HSD17B3: variants seen among roughly 807,000 people sequenced by gnomAD.
HSD17B3 encodes the protein 17-beta-hydroxysteroid dehydrogenase type 3.
Under a neutral mutation model 41.1 loss-of-function variants are expected in HSD17B3, and 29 were observed. The observed-to-expected ratio is 0.71, with a 90% CI of 0.53 to 0.96. HSD17B3 has a LOEUF of 0.96. HSD17B3 is among the 40% of genes least tolerant of loss of function. The probability of loss-of-function intolerance (pLI) is 0.00; values close to 1 mark genes in which losing one functional copy is unlikely to be tolerated. For synonymous variants in HSD17B3, 126 were observed against 145.6 expected (o/e 0.87, Z 0.97); for missense variants, 323 against 374.6 (o/e 0.86, Z 1.14).
At chr9:96,281,492 C>G (rs1306938550) in intron 2 of HSD17B3, among the ~76,000 whole-genome samples, 2 of 152,078 alleles carry the variant, frequency 1.3e-5, no homozygotes, top group Non-Finnish European at 2.9e-5. Context: ...GGGTTAGAGT[C>G]CTAACTTAGG....
intron 6 of HSD17B3, 82 bp from the exon 7 acceptor site, chr9:96,246,672 G>C: frequency 8.2e-7 from 1 of 1,226,578 alleles, no homozygotes. Flanking sequence ...GGAAGGGAGC[G>C]CGGGAGGAAG....
At chr9:96,282,992 C>CTTTTTTTT (rs58397134) in intron 2 of HSD17B3, among the ~76,000 whole-genome samples, 5 of 71,692 alleles carry the variant, frequency 7.0e-5, no homozygotes, top group Non-Finnish European at 1.1e-4. Flanking sequence ...AGGTTTCTTT[C>CTTTTTTTT]TTTTTTTTTT....
chr9:96,258,004 A>C (rs1825732510), intron 2 of HSD17B3, among the ~76,000 whole-genome samples: 1 of 152,154 alleles, frequency 6.6e-6, no homozygotes, highest in Non-Finnish European at 1.5e-5. Flanking sequence ...AGTGGGGCTG[A>C]GCATCATTTG....
At chr9:96,252,666 T>C (rs1216965821) in intron 4 of HSD17B3, 137 bp downstream of exon 4, 1 of 697,786 alleles carries the variant, frequency 1.4e-6, no homozygotes, top group African/African-American at 1.8e-5. Context: ...TGCTTTGATA[T>C]TCAACTTAAT....
At position 96,298,460 on chromosome 9, in the gene HSD17B3, T is replaced by C. The variant is rs550421995; in HGVS notation, c.157A>G (p.Ile53Val). ...FLRSMGQWAV[I>V]TGAGDGIGKA... Reference sequence around the variant, plus strand: ...CCAATTCCATCGCCTGCTCCAGTGATCACTGTGAAAAGCAAGAATGCTTTT... The same window carrying C: ...CCAATTCCATCGCCTGCTCCAGTGACCACTGTGAAAAGCAAGAATGCTTTT... The change falls in exon 2 of 11, where the codon ATC becomes GTC. Residue 53 changes from isoleucine to valine, a missense_variant and splice_region_variant. Ile to Val is a conservative substitution (Grantham distance 29). Coordinates refer to ENST00000375263, the MANE Select transcript of HSD17B3 (RefSeq NM_000197.2). 11 of 1,613,450 alleles carry C rather than the reference T, an allele frequency of 6.8e-6. No homozygotes were observed. The South Asian group carries it at 1.2e-4, about 18-fold the overall frequency.
At chr9:96,251,652 A>C (rs1181868156) in intron 4 of HSD17B3, among the ~76,000 whole-genome samples, 167 bp from the exon 5 acceptor site, 1 of 152,224 alleles carries the variant, frequency 6.6e-6, no homozygotes, top group Non-Finnish European at 1.5e-5. Flanking sequence ...AGACACCTTC[A>C]ATGAATCATG....
intron 2 of HSD17B3, among the ~76,000 whole-genome samples, chr9:96,292,994 A>G (rs1381276477): frequency 2.0e-5 from 3 of 152,234 alleles, no homozygotes; most frequent in African/African-American, 4.8e-5. Context: ...AAGAAAAACT[A>G]AGATAATTTG....
intron 2 of HSD17B3, among the ~76,000 whole-genome samples, chr9:96,289,151 T>C (rs1314978943): frequency 1.3e-5 from 2 of 151,174 alleles, no homozygotes; most frequent in Non-Finnish European, 2.9e-5. Flanking sequence ...AGGCAGTCAC[T>C]AGATGCTGCA....
intron 7 of HSD17B3, 152 bp from the exon 8 acceptor site, chr9:96,245,578 T>C: frequency 1.4e-6 from 1 of 695,518 alleles, no homozygotes; most frequent in Non-Finnish European, 2.6e-6. Flanking sequence ...GAATGGTAAG[T>C]GAACTTCCCC....
chr9:96,260,983 G>A (rs1825835205), intron 2 of HSD17B3, among the ~76,000 whole-genome samples: 1 of 152,070 alleles, frequency 6.6e-6, no homozygotes, highest in African/African-American at 2.4e-5. Context: ...TGTTCACTGT[G>A]CGCTCTTATT....
intron 2 of HSD17B3, among the ~76,000 whole-genome samples, chr9:96,272,083 T>C (rs1826263619): frequency 6.6e-6 from 1 of 151,780 alleles, no homozygotes; most frequent in Admixed American, 6.6e-5. Flanking sequence ...AAAATACATA[T>C]ATAGGTCAGG....
At position 96,283,522 on chromosome 9, in the gene HSD17B3, T is replaced by C. The variant is rs146408827; in HGVS notation, c.201+14894A>G. On this transcript the variant is annotated intron_variant, in intron 2 of 10. Coordinates refer to ENST00000375263, the MANE Select transcript of HSD17B3 (RefSeq NM_000197.2). ...GGTATAAAAATCATACAGGGAGCAC[T>C]GTCAAATATAAAATAGTGTGTGGCT... is the stretch of plus-strand genomic sequence containing the variant. Among the ~76,000 whole-genome samples the C allele has an allele frequency of 9.0e-3, 1,377 of 152,304 alleles. 27 individuals carry two copies. Among genetic ancestry groups the C allele is most frequent in the South Asian group, 0.066 (320 of 4,816 alleles).
At chr9:96,276,998 G>A (rs1458661834) in intron 2 of HSD17B3, among the ~76,000 whole-genome samples, 2 of 152,086 alleles carry the variant, frequency 1.3e-5, no homozygotes, top group Non-Finnish European at 2.9e-5. Flanking sequence ...TCAGGAGATC[G>A]AGACCATCCT....
At chr9:96,273,722 A>C (rs1449720051) in intron 2 of HSD17B3, among the ~76,000 whole-genome samples, 1 of 152,134 alleles carries the variant, frequency 6.6e-6, no homozygotes, top group Non-Finnish European at 1.5e-5. Context: ...GAAAAAGGAG[A>C]ACAGGAAGAT....
At chr9:96,247,704 C>T (rs753150903) in intron 6 of HSD17B3, among the ~76,000 whole-genome samples, 8 of 152,218 alleles carry the variant, frequency 5.3e-5, no homozygotes, top group Non-Finnish European at 8.8e-5. Flanking sequence ...CACATTGCCT[C>T]GAAGCCTCCC....
chr9:96,253,027 G>GC, intron 3 of HSD17B3, 117 bp from the exon 4 acceptor site: 1 of 752,116 alleles, frequency 1.3e-6, no homozygotes, highest in Admixed American at 1.9e-5. Flanking sequence ...ACAGCCCATT[G>GC]CCCCAAATAA....
intron 2 of HSD17B3, among the ~76,000 whole-genome samples, chr9:96,274,506 AG>A (rs980080285): frequency 2.0e-5 from 3 of 151,546 alleles, no homozygotes; most frequent in African/African-American, 7.3e-5. Flanking sequence ...CAACAAAATG[AG>A]GGGGGAAATA....
intron 2 of HSD17B3, among the ~76,000 whole-genome samples, chr9:96,290,456 CTTTTTTTTT>C (rs61373611): frequency 1.4e-4 from 11 of 78,418 alleles, no homozygotes; most frequent in African/African-American, 5.6e-4. Flanking sequence ...ATTTCCTGGG[CTTTTTTTTT>C]TTTTTTTTTT....
At chr9:96,272,405 C>CTCTCTCTCTCTCTCTCTATATATATA (rs1239816824) in intron 2 of HSD17B3, among the ~76,000 whole-genome samples, 1 of 21,534 alleles carries the variant, frequency 4.6e-5, no homozygotes, top group Non-Finnish European at 8.8e-5. Context: ...CTCTCTCTCT[C>CTCTCTCTCTCTCTCTCTATATATATA]TATATATATA....
Sources: allele counts gnomAD v4.1 joint callset (sites outside exome capture counted in the v4.1 genomes callset), GRCh38; gene constraint gnomAD v4.1.1; transcripts MANE v1.5; gene names NCBI Gene and HGNC (gene_info 2026-07-23, HGNC 2026-07-21).